The following GREB1L variants were observed in gnomAD, a reference collection of about 807,000 sequenced individuals.
The protein encoded by GREB1L is GREB1 like retinoic acid receptor coactivator.
A neutral mutation model predicts 200.8 loss-of-function variants in GREB1L; 17 were observed. The ratio of observed to expected loss-of-function variants is 0.08; its 90% confidence interval spans 0.06 to 0.13. The LOEUF is 0.13. GREB1L is among the 10% of genes least tolerant of loss of function. The probability of loss-of-function intolerance (pLI) is 1.00; values close to 1 mark genes in which losing one functional copy is unlikely to be tolerated. For missense variants in GREB1L, 1,657 were observed against 2,367.7 expected (o/e 0.70, Z 6.23); for synonymous variants, 789 against 893.0 (o/e 0.88, Z 2.08).
intron 1 of GREB1L, among the ~76,000 whole-genome samples, chr18:21,262,364 T>A (rs1238492155): frequency 2.0e-5 from 3 of 152,182 alleles, no homozygotes; most frequent in Non-Finnish European, 4.4e-5. Flanking sequence ...AAACTAGAAT[T>A]CTTTCTCTGT....
At chr18:21,268,556 C>CAA in intron 1 of GREB1L, among the ~76,000 whole-genome samples, 1 of 95,756 alleles carries the variant, frequency 1.0e-5, no homozygotes, top group Non-Finnish European at 1.9e-5. Flanking sequence ...CACACACACA[C>CAA]ACACATATAT....
At chr18:21,297,818 G>T (rs2038554410) in intron 1 of GREB1L, among the ~76,000 whole-genome samples, 1 of 151,930 alleles carries the variant, frequency 6.6e-6, no homozygotes, top group South Asian at 2.1e-4. Flanking sequence ...AGGGTAGGGA[G>T]AATTCTGATG....
intron 2 of GREB1L, among the ~76,000 whole-genome samples, chr18:21,367,487 G>A (rs542700841): frequency 9.2e-5 from 14 of 152,300 alleles, no homozygotes; most frequent in South Asian, 2.1e-4. Flanking sequence ...GGTGGACGGG[G>A]AGAGGTAAGC....
intron 1 of GREB1L, among the ~76,000 whole-genome samples, chr18:21,245,863 G>A (rs183675642): frequency 2.5e-4 from 38 of 152,114 alleles, no homozygotes; most frequent in African/African-American, 8.9e-4. Context: ...GACTACAGGC[G>A]CCTGCCACCA....
intron 4 of GREB1L, among the ~76,000 whole-genome samples, chr18:21,385,146 T>C (rs116487629): frequency 1.8e-3 from 273 of 152,298 alleles, no homozygotes; most frequent in African/African-American, 6.1e-3. Flanking sequence ...AATAATACTT[T>C]GTCCCGATTA....
chr18:21,505,330 C>T (rs1010107259), intron 23 of GREB1L, 82 bp from the exon 24 acceptor site: 15 of 1,305,580 alleles, frequency 1.1e-5, no homozygotes, highest in African/African-American at 1.0e-4. Flanking sequence ...CTGGGCTCTA[C>T]GTCCCATAAA....
intron 2 of GREB1L, among the ~76,000 whole-genome samples, chr18:21,369,954 AAAAAAAAAAG>A (rs2143717440): frequency 6.6e-6 from 1 of 151,776 alleles, no homozygotes; most frequent in East Asian, 1.9e-4. Context: ...ATCTCAAAAA[AAAAAAAAAAG>A]AAAAGAAAAG....
rs567982687 is a variant in GREB1L at position 21,365,564 on chromosome 18, A to G, written c.-119-463A>G. Reference sequence around the variant, plus strand: ...TCTTACTGGAAAATTTTCAATCAATAGTAATTATGTTTTACGTTTTTGATA... The same window carrying G: ...TCTTACTGGAAAATTTTCAATCAATGGTAATTATGTTTTACGTTTTTGATA... On this transcript the variant is annotated intron_variant, in intron 1 of 32. Coordinates refer to ENST00000424526, the MANE Select transcript of GREB1L (RefSeq NM_001142966.3). Among the ~76,000 whole-genome samples, 6 of 152,278 alleles carry G rather than the reference A, an allele frequency of 3.9e-5. No individual in the cohort carries two copies. In the South Asian group the frequency reaches 1.0e-3, roughly 26 times the overall value.
chr18:21,446,061 G>C (rs983007184), intron 11 of GREB1L, among the ~76,000 whole-genome samples: 12 of 152,156 alleles, frequency 7.9e-5, no homozygotes, highest in Non-Finnish European at 2.9e-5. Flanking sequence ...GTCTCACTCT[G>C]TTTCCCAGGC....
At chr18:21,329,132 T>C (rs558853158) in intron 1 of GREB1L, among the ~76,000 whole-genome samples, 1 of 152,210 alleles carries the variant, frequency 6.6e-6, no homozygotes, top group South Asian at 2.1e-4. Context: ...GAGACCAGCC[T>C]GGCCAATATG....
intron 1 of GREB1L, among the ~76,000 whole-genome samples, chr18:21,253,847 T>TTTCC (rs1205511035): frequency 6.7e-6 from 1 of 149,062 alleles, no homozygotes; most frequent in African/African-American, 2.5e-5. Context: ...TTTTTTTTTT[T>TTTCC]CCCCTTAGAG....
intron 2 of GREB1L, among the ~76,000 whole-genome samples, chr18:21,377,918 A>G (rs2040142244): frequency 6.6e-6 from 1 of 152,108 alleles, no homozygotes; most frequent in South Asian, 2.1e-4. Context: ...CTCAAAAAAA[A>G]CAGAGACAAG....
At position 21,525,396 on chromosome 18, in the gene GREB1L, T is replaced by TAA. The variant is rs887433696; in HGVS notation, c.*2577_*2578dup. 7 of 152,180 alleles carry TAA rather than the reference T, an allele frequency of 4.6e-5. No individual in the cohort carries two copies. The highest frequency in any genetic ancestry group is 1.7e-4 in the African/African-American group (7 of 41,454). 9.4% of individuals were successfully genotyped at this position (152,180 alleles called of 1,614,324 possible). On this transcript the variant is annotated 3_prime_UTR_variant, in exon 33 of 33. Coordinates refer to ENST00000424526, the MANE Select transcript of GREB1L (RefSeq NM_001142966.3). ...CTTTGATTTAATTTGCTTAATGTAT[T>TAA]AAAGTTATCTCCCACCCCCTCCAAA...
chr18:21,309,164 G>A (rs149907384), intron 1 of GREB1L, among the ~76,000 whole-genome samples: 1 of 152,188 alleles, frequency 6.6e-6, no homozygotes, highest in African/African-American at 2.4e-5. Context: ...TCTTTAAAAA[G>A]TTTCTTCACT....
In GREB1L at chr18:21,467,886, G is replaced by A. The variant is rs191342083; in HGVS notation, c.2183-5145G>A. Among the ~76,000 whole-genome samples, 125 of 152,094 alleles carry A rather than the reference G, an allele frequency of 8.2e-4. 1 individual carries two copies. The highest frequency in any genetic ancestry group is 2.8e-3 in the African/African-American group (118 of 41,510). On this transcript the variant is annotated intron_variant, in intron 15 of 32. Coordinates refer to ENST00000424526, the MANE Select transcript of GREB1L (RefSeq NM_001142966.3). Reference sequence around the variant, plus strand: ...AAAAACGCAAAAAAATTAGCTGGGCGTGGTGGCATGCACCTGTAGTCCCAG... The same window carrying A: ...AAAAACGCAAAAAAATTAGCTGGGCATGGTGGCATGCACCTGTAGTCCCAG...
At chr18:21,408,563 G>T (rs906885826) in intron 7 of GREB1L, among the ~76,000 whole-genome samples, 1 of 152,068 alleles carries the variant, frequency 6.6e-6, no homozygotes, top group Non-Finnish European at 1.5e-5. Context: ...GGGAGGCCGA[G>T]GCAGGTGGAT....
At chr18:21,522,494 T>G (rs765263646) in intron 32 of GREB1L, among the ~76,000 whole-genome samples, 164 bp from the exon 33 acceptor site, 17 of 152,100 alleles carry the variant, frequency 1.1e-4, no homozygotes, top group South Asian at 2.1e-4. Context: ...CAAAAAAAAT[T>G]ACTGAATTTG....
At chr18:21,467,464 C>G (rs1442212725) in intron 15 of GREB1L, among the ~76,000 whole-genome samples, 1 of 152,096 alleles carries the variant, frequency 6.6e-6, no homozygotes, top group Admixed American at 6.5e-5. Flanking sequence ...AAAGGAGATA[C>G]ATGAATGGCC....
intron 1 of GREB1L, among the ~76,000 whole-genome samples, chr18:21,309,331 A>C (rs984645066): frequency 1.3e-5 from 2 of 152,210 alleles, no homozygotes; most frequent in African/African-American, 4.8e-5. Context: ...ACACAGTATC[A>C]GGCATGTTAA....
Sources: gnomAD v4.1 joint callset for allele counts (sites outside exome capture counted in the v4.1 genomes callset) on GRCh38, gnomAD v4.1.1 for gene constraint, MANE v1.5 for transcripts, NCBI Gene and HGNC (gene_info 2026-07-23, HGNC 2026-07-21) for gene names.